Variants in RBFOX1 observed in about 807,000 individuals in gnomAD.
The protein encoded by RBFOX1 is RNA binding fox-1 homolog 1, also known as RNA binding protein fox-1 homolog 1.
A neutral mutation model predicts 57.7 loss-of-function variants in RBFOX1; 8 were observed. The ratio of observed to expected loss-of-function variants is 0.14; its 90% CI spans 0.08 to 0.25. The LOEUF (loss-of-function observed/expected upper bound fraction) is 0.25, where lower values mean the gene tolerates loss of function less well. Among genes scored for constraint, RBFOX1 ranks in the 10% least tolerant of loss-of-function variants. RBFOX1 has a pLI of 1.00. For missense variants in RBFOX1, 611 were observed against 548.5 expected (o/e 1.11, Z -1.14); for synonymous variants, 326 against 222.4 (o/e 1.47, Z -4.15).
At chr16:6,879,085 C>T (rs1025707936) in intron 3 of RBFOX1, among the ~76,000 whole-genome samples, 7 of 152,156 alleles carry the variant, frequency 4.6e-5, no homozygotes, top group African/African-American at 1.4e-4. Flanking sequence ...TTTCAGAAAG[C>T]CAATGAGCTA....
intron 4 of RBFOX1, among the ~76,000 whole-genome samples, chr16:7,412,036 G>A (rs939870987): frequency 1.4e-4 from 21 of 152,206 alleles, no homozygotes; most frequent in East Asian, 9.7e-4. Flanking sequence ...AAGGACATTA[G>A]ATGAAAACTA....
At chr16:6,768,321 C>G (rs915307278) in intron 3 of RBFOX1, among the ~76,000 whole-genome samples, 1 of 151,032 alleles carries the variant, frequency 6.6e-6, no homozygotes, top group Non-Finnish European at 1.5e-5. Flanking sequence ...AATAAAGAGT[C>G]TTATTAAAAA....
chr16:6,650,348 T>G (rs1491001110), intron 2 of RBFOX1, among the ~76,000 whole-genome samples: 1 of 152,098 alleles, frequency 6.6e-6, no homozygotes, highest in Non-Finnish European at 1.5e-5. Flanking sequence ...ATGAAACCTG[T>G]GGATAAATTA....
chr16:7,697,186 G>T (rs1312932956), intron 14 of RBFOX1, among the ~76,000 whole-genome samples: 1 of 152,194 alleles, frequency 6.6e-6, no homozygotes, highest in Non-Finnish European at 1.5e-5. Flanking sequence ...CAGCTGTCCA[G>T]AGAGGGGTGA....
At chr16:5,421,654 C>A (rs1052715052) in intron 1 of RBFOX1, among the ~76,000 whole-genome samples, 3 of 152,204 alleles carry the variant, frequency 2.0e-5, no homozygotes, top group Admixed American at 2.0e-4. Flanking sequence ...GCTCCAGAGC[C>A]AGGCTTATTT....
At chr16:7,593,800 G>A (rs2094558216) in intron 7 of RBFOX1, among the ~76,000 whole-genome samples, 1 of 152,034 alleles carries the variant, frequency 6.6e-6, no homozygotes, top group African/African-American at 2.4e-5. Context: ...GGGTATCAGG[G>A]GTGGGGATGT....
chr16:6,530,729 GA>G (rs1350570821), intron 2 of RBFOX1, among the ~76,000 whole-genome samples: 1 of 138,230 alleles, frequency 7.2e-6, no homozygotes, highest in Non-Finnish European at 1.6e-5. Context: ...TTCTGCAGGG[GA>G]ACTCCCTTTT....
intron 2 of RBFOX1, among the ~76,000 whole-genome samples, chr16:6,518,787 CTGTG>C (rs141191801): frequency 0.15 from 14,764 of 96,214 alleles, 861 homozygotes; most frequent in Admixed American, 0.2. Flanking sequence ...GTCTGTCTGT[CTGTG>C]TGTCTGTCTA....
At chr16:6,814,803 T>C (rs1370892027) in intron 3 of RBFOX1, among the ~76,000 whole-genome samples, 5 of 151,998 alleles carry the variant, frequency 3.3e-5, no homozygotes, top group Admixed American at 1.3e-4. Flanking sequence ...ATCAAGGGGT[T>C]TGGGTTTATG....
chr16:5,717,804 G>A (rs2051770599), intron 3 of RBFOX1, among the ~76,000 whole-genome samples: 1 of 152,186 alleles, frequency 6.6e-6, no homozygotes, highest in Non-Finnish European at 1.5e-5. Flanking sequence ...CCCATGATCA[G>A]CGATTTATTC....
intron 14 of RBFOX1, among the ~76,000 whole-genome samples, chr16:7,704,765 G>A (rs575747941): frequency 5.8e-4 from 89 of 152,320 alleles, no homozygotes; most frequent in Admixed American, 1.2e-3. Context: ...AATAAGAGCA[G>A]TCAGGCTGGG....
chr16:6,227,515 C>T (rs1048733395), intron 1 of RBFOX1, among the ~76,000 whole-genome samples: 1 of 152,040 alleles, frequency 6.6e-6, no homozygotes, highest in African/African-American at 2.4e-5. Context: ...GCCAGTGATA[C>T]AGAAGTGGAA....
Position 7,483,860 on chromosome 16 carries a change from A to T in RBFOX1, c.28-34287A>T, listed in dbSNP as rs150623869. On this transcript the variant is annotated intron_variant, in intron 4 of 15. Transcript: ENST00000550418. Reference sequence around the variant, plus strand: ...AGAGGCTGCGCATCAGATGTTTTCAAAATTAAGTGATGGTTTATGTACAAT... The same window carrying T: ...AGAGGCTGCGCATCAGATGTTTTCATAATTAAGTGATGGTTTATGTACAAT... 1.9e-3 allele frequency among the ~76,000 whole-genome samples: 285 copies of T among 152,358 alleles called. 1 individual carries two copies. The highest frequency in any genetic ancestry group is 6.6e-3 in the African/African-American group (275 of 41,574).
chr16:7,202,579 G>C (rs1479175075), intron 4 of RBFOX1, among the ~76,000 whole-genome samples: 1 of 152,162 alleles, frequency 6.6e-6, no homozygotes, highest in African/African-American at 2.4e-5. Context: ...CAGTGGATGA[G>C]CAAGCAAAGC....
chr16:7,029,085 C>CATATATATATATATATATATAT (rs2041967878), intron 3 of RBFOX1, among the ~76,000 whole-genome samples: 1 of 15,724 alleles, frequency 6.4e-5, no homozygotes, highest in Non-Finnish European at 9.2e-5. Flanking sequence ...TATATATACA[C>CATATATATATATATATATATAT]ACACACACAC....
At chr16:6,087,642 T>G (rs2096107769) in intron 1 of RBFOX1, among the ~76,000 whole-genome samples, 1 of 151,922 alleles carries the variant, frequency 6.6e-6, no homozygotes, top group Non-Finnish European at 1.5e-5. Context: ...TCCCCTTGGC[T>G]GGATATTTAT....
At chr16:7,397,482 G>A (rs956505588) in intron 4 of RBFOX1, among the ~76,000 whole-genome samples, 1 of 152,044 alleles carries the variant, frequency 6.6e-6, no homozygotes, top group Non-Finnish European at 1.5e-5. Flanking sequence ...TAGAAACATA[G>A]ATCCACATAA....
chr16:7,165,589 C>A (rs1446295975), intron 4 of RBFOX1, among the ~76,000 whole-genome samples: 1 of 151,616 alleles, frequency 6.6e-6, no homozygotes, highest in East Asian at 1.9e-4. Flanking sequence ...ACCACCACGC[C>A]CGGCTAATTT....
chr16:5,862,548 C>T (rs1402081121), intron 3 of RBFOX1, among the ~76,000 whole-genome samples: 4 of 152,226 alleles, frequency 2.6e-5, no homozygotes, highest in South Asian at 2.1e-4. Context: ...TCACCCACTG[C>T]GTGTCAGGGT....
Sources: allele counts gnomAD v4.1 joint callset (sites outside exome capture counted in the v4.1 genomes callset), GRCh38; gene constraint gnomAD v4.1.1; transcripts MANE v1.5; gene names NCBI Gene and HGNC (gene_info 2026-07-23, HGNC 2026-07-21).